Variants in MYO3A observed in about 807,000 individuals in gnomAD.
MYO3A encodes myosin-IIIa.
MYO3A carries 180 observed loss-of-function variants against 192.7 expected under a neutral mutation model. The ratio of observed to expected loss-of-function variants is 0.93; its 90% confidence interval spans 0.83 to 1.06. The LOEUF (loss-of-function observed/expected upper bound fraction) is 1.06. MYO3A is among the 50% of genes least tolerant of loss of function. The pLI is 0.00. For missense variants in MYO3A, 1,896 were observed against 1,905.0 expected (o/e 1.00, Z 0.09); for synonymous variants, 628 against 645.3 (o/e 0.97, Z 0.41).
At chr10:26,090,545 C>T (rs1836637241) in intron 15 of MYO3A, among the ~76,000 whole-genome samples, 1 of 152,156 alleles carries the variant, frequency 6.6e-6, no homozygotes, top group Non-Finnish European at 1.5e-5. Context: ...AATTTGAGCA[C>T]AGCTGTCTTT....
At chr10:25,994,133 A>G (rs1265399261) in intron 4 of MYO3A, among the ~76,000 whole-genome samples, 1 of 151,908 alleles carries the variant, frequency 6.6e-6, no homozygotes, top group Non-Finnish European at 1.5e-5. Context: ...TCCCATTATT[A>G]TTGTGTGGGA....
intron 2 of MYO3A, among the ~76,000 whole-genome samples, chr10:25,949,283 C>CT (rs1198199510): frequency 3.3e-5 from 5 of 151,994 alleles, no homozygotes; most frequent in Non-Finnish European, 5.9e-5. Flanking sequence ...TATTGAAAAA[C>CT]TAACAGTTAA....
chr10:26,053,367 C>T (rs1271917137), intron 10 of MYO3A, among the ~76,000 whole-genome samples: 1 of 152,096 alleles, frequency 6.6e-6, no homozygotes, highest in Non-Finnish European at 1.5e-5. Flanking sequence ...TTTGAGCATC[C>T]ATCATTTGTG....
At chr10:25,946,744 T>C (rs1175127508) in intron 2 of MYO3A, among the ~76,000 whole-genome samples, 2 of 151,444 alleles carry the variant, frequency 1.3e-5, no homozygotes, top group Non-Finnish European at 2.9e-5. Context: ...CCGGGCATGG[T>C]AGCGGGCACC....
intron 6 of MYO3A, among the ~76,000 whole-genome samples, chr10:26,008,359 C>G (rs1588762781): frequency 6.7e-6 from 1 of 148,440 alleles, no homozygotes; most frequent in Non-Finnish European, 1.5e-5. Flanking sequence ...AAAGCAATGG[C>G]AACAAAAGCC....
intron 10 of MYO3A, among the ~76,000 whole-genome samples, chr10:26,029,109 C>T (rs1257465803): frequency 6.6e-6 from 1 of 152,126 alleles, no homozygotes; most frequent in Non-Finnish European, 1.5e-5. Flanking sequence ...AAATAATTGT[C>T]TCTCAATGTT....
At chr10:26,066,299 A>C (rs117341455) in intron 10 of MYO3A, among the ~76,000 whole-genome samples, 1 of 152,086 alleles carries the variant, frequency 6.6e-6, no homozygotes, top group Non-Finnish European at 1.5e-5. Flanking sequence ...GGGCAAATCC[A>C]GATACTTAAG....
At chr10:26,107,084 G>A (rs11598861) in intron 17 of MYO3A, among the ~76,000 whole-genome samples, 47,991 of 151,542 alleles carry the variant, frequency 0.32, 7,785 homozygotes, top group Middle Eastern at 0.45. Flanking sequence ...CAGACCTACC[G>A]TATAGAAATT....
intron 32 of MYO3A, among the ~76,000 whole-genome samples, chr10:26,197,561 GTT>G (rs764844958): frequency 1.5e-3 from 235 of 152,198 alleles, no homozygotes; most frequent in Non-Finnish European, 2.8e-3. Flanking sequence ...GTTTTTTGTT[GTT>G]GTTGGTGGTG....
chr10:25,966,362 A>G (rs1329117944), intron 4 of MYO3A, among the ~76,000 whole-genome samples: 1 of 152,164 alleles, frequency 6.6e-6, no homozygotes, highest in Admixed American at 6.5e-5. Context: ...TTGAATAGAG[A>G]ACAAGACACT....
chr10:26,030,169 C>T (rs1409436533), intron 10 of MYO3A, among the ~76,000 whole-genome samples: 1 of 152,168 alleles, frequency 6.6e-6, no homozygotes, highest in African/African-American at 2.4e-5. Flanking sequence ...ATGTGTGTTT[C>T]AGTTCCTTTA....
At chr10:25,999,145 G>T (rs886251204) in intron 6 of MYO3A, among the ~76,000 whole-genome samples, 2 of 152,080 alleles carry the variant, frequency 1.3e-5, no homozygotes, top group South Asian at 2.1e-4. Context: ...TGATCCACCC[G>T]TCTCGGCCTC....
chr10:26,049,431 T>C (rs74791022), intron 10 of MYO3A, among the ~76,000 whole-genome samples: 1,734 of 151,996 alleles, frequency 0.011, 37 homozygotes, highest in African/African-American at 0.037. Context: ...CTGGAAAGGA[T>C]AGGGGATCAA....
rs1284030570 is a variant in MYO3A, at chr10:26,203,097, G to C, written c.4720G>C (p.Ala1574Pro). ...QQELQNQCIK[A>P]NERCWAAESP... ...AGAACTCCAGAATCAATGTATTAAGGCTAATGAAAGGTAAAAAGCTAAACT... is the reference window on the plus strand; with the variant it reads ...AGAACTCCAGAATCAATGTATTAAGCCTAATGAAAGGTAAAAAGCTAAACT... The change falls in exon 34 of 35, where the codon GCT becomes CCT. Residue 1574 changes from alanine (A) to proline (P), a missense_variant. Physicochemically the swap from Ala to Pro is conservative, Grantham distance 27. Coordinates refer to ENST00000642920, the MANE Select transcript of MYO3A (RefSeq NM_017433.5). 1.2e-6 allele frequency: 2 copies of C among 1,613,548 alleles called. No individual in the cohort carries two copies. The highest frequency in any genetic ancestry group is 1.7e-5 in the Admixed American group (1 of 60,008).
At chr10:26,157,594 GA>G (rs1841220641) in intron 26 of MYO3A, 79 bp downstream of exon 26, 1 of 1,488,036 alleles carries the variant, frequency 6.7e-7, no homozygotes, top group Admixed American at 1.7e-5. Context: ...AACATAATAT[GA>G]AAAAATCTTT....
intron 10 of MYO3A, among the ~76,000 whole-genome samples, chr10:26,052,841 A>C (rs555047738): frequency 9.2e-5 from 14 of 151,920 alleles, no homozygotes; most frequent in Middle Eastern, 6.8e-3. Flanking sequence ...TTTTTTTTTC[A>C]ATTTTTAGAG....
At chr10:25,993,904 A>G (rs541955448) in intron 4 of MYO3A, among the ~76,000 whole-genome samples, 2 of 152,292 alleles carry the variant, frequency 1.3e-5, no homozygotes, top group East Asian at 3.9e-4. Flanking sequence ...CTGTTCTTTT[A>G]CATTTGCTGA....
At chr10:26,118,015 A>C (rs1838622992) in intron 17 of MYO3A, among the ~76,000 whole-genome samples, 1 of 152,026 alleles carries the variant, frequency 6.6e-6, no homozygotes, top group Non-Finnish European at 1.5e-5. Context: ...TTATTTTTTG[A>C]CTTTTTAATA....
intron 31 of MYO3A, among the ~76,000 whole-genome samples, chr10:26,179,711 T>G (rs1842524656): frequency 6.6e-6 from 1 of 152,238 alleles, no homozygotes. Context: ...TCTCATTGTA[T>G]GTGATTTGTT....
Sources: gnomAD v4.1 joint callset for allele counts (sites outside exome capture counted in the v4.1 genomes callset) on GRCh38, gnomAD v4.1.1 for gene constraint, MANE v1.5 for transcripts, NCBI Gene and HGNC (gene_info 2026-07-23, HGNC 2026-07-21) for gene names.